Variants in ARHGAP26 observed in about 807,000 individuals in gnomAD.
ARHGAP26 encodes the protein Rho GTPase activating protein 26.
In ARHGAP26, 38 loss-of-function variants were observed where a neutral mutation model predicts 104.8. The observed-to-expected ratio is 0.36, with a 90% CI of 0.28 to 0.48. The LOEUF is 0.48. ARHGAP26 is among the 20% of genes least tolerant of loss of function. The pLI, the probability that ARHGAP26 is intolerant of heterozygous loss-of-function variation, is 0.99. For missense variants in ARHGAP26, 704 were observed against 947.9 expected, an observed-to-expected ratio of 0.74 and a Z score of 3.38; for synonymous variants, 341 against 340.0, an observed-to-expected ratio of 1.00 and a Z score of -0.03.
chr5:142,777,411 G>C (rs562941455), intron 1 of ARHGAP26, among the ~76,000 whole-genome samples: 1 of 152,326 alleles, frequency 6.6e-6, no homozygotes, highest in Admixed American at 6.5e-5. Context: ...AGGAAGAACT[G>C]TTATCACCAT....
Position 143,224,476 on chromosome 5 carries a change from A to G in ARHGAP26, c.*2030A>G, listed in dbSNP as rs1264694247. 2 of 229,494 alleles carry G rather than the reference A, an allele frequency of 8.7e-6. No individual in the cohort carries two copies. The highest frequency in any genetic ancestry group is 5.7e-5 in the Admixed American group (1 of 17,672). 14.2% of individuals were successfully genotyped at this position (229,494 alleles called of 1,614,324 possible). On this transcript the variant is annotated 3_prime_UTR_variant, in exon 23 of 23. Coordinates refer to ENST00000645722, the MANE Select transcript of ARHGAP26 (RefSeq NM_001135608.3). Reference sequence around the variant, plus strand: ...CAAAGAATGCCTACTTAGTAGTAAGATGAAGCTCAGGATTTAAATAAGTGG... The same window carrying G: ...CAAAGAATGCCTACTTAGTAGTAAGGTGAAGCTCAGGATTTAAATAAGTGG...
chr5:142,970,044 A>G (rs1293634108), intron 11 of ARHGAP26, among the ~76,000 whole-genome samples: 1 of 152,228 alleles, frequency 6.6e-6, no homozygotes, highest in Non-Finnish European at 1.5e-5. Context: ...GTGTATAAAC[A>G]GCCCACACCA....
chr5:143,147,196 ATAT>A lies in ARHGAP26; in HGVS notation c.1838-32_1838-30del, dbSNP rs764314978. The stretch of plus-strand genomic sequence containing the variant: ...AGCAATAGACTGTCCCTATGCAATA[ATAT>A]TAATATGGGACTTGTGGCTTTTCCC... On this transcript the variant is annotated intron_variant, in intron 19 of 22. Coordinates refer to ENST00000645722, the MANE Select transcript of ARHGAP26 (RefSeq NM_001135608.3). 6.8e-5 allele frequency: 110 copies of A among 1,606,476 alleles called. 1 individual carries two copies. The African/African-American group carries it at 1.3e-3, about 20-fold the overall frequency.
At chr5:143,056,316 CTTTTT>C (rs10672936) in intron 16 of ARHGAP26, among the ~76,000 whole-genome samples, 3 of 80,098 alleles carry the variant, frequency 3.7e-5, no homozygotes, top group South Asian at 6.1e-4. Flanking sequence ...CTTCAGAAGT[CTTTTT>C]TTTTTTTTTT....
intron 5 of ARHGAP26, among the ~76,000 whole-genome samples, chr5:142,888,637 A>G (rs1191940423): frequency 6.6e-6 from 1 of 152,168 alleles, no homozygotes; most frequent in Admixed American, 6.5e-5. Flanking sequence ...CCATCCCTAG[A>G]TCCCTGGAAG....
At chr5:143,006,108 T>G (rs1197749974) in intron 11 of ARHGAP26, among the ~76,000 whole-genome samples, 1 of 152,214 alleles carries the variant, frequency 6.6e-6, no homozygotes, top group Non-Finnish European at 1.5e-5. Context: ...AGCCTTGAGT[T>G]AAGCCAAATA....
At chr5:143,117,027 G>C (rs1420722512) in intron 17 of ARHGAP26, among the ~76,000 whole-genome samples, 3 of 152,188 alleles carry the variant, frequency 2.0e-5, no homozygotes, top group African/African-American at 7.2e-5. Context: ...TGTAGAATTG[G>C]CAGTTCTTTC....
intron 20 of ARHGAP26, among the ~76,000 whole-genome samples, chr5:143,186,309 G>A (rs935067210): frequency 6.6e-6 from 1 of 152,148 alleles, no homozygotes; most frequent in African/African-American, 2.4e-5. Context: ...CAACCCCAAG[G>A]AGGAAGTAAT....
At chr5:143,062,497 A>C (rs1186471831) in intron 17 of ARHGAP26, among the ~76,000 whole-genome samples, 2 of 151,084 alleles carry the variant, frequency 1.3e-5, no homozygotes, top group Non-Finnish European at 2.9e-5. Flanking sequence ...AATTATCAAG[A>C]ATTAAGCATG....
chr5:142,888,240 A>G (rs1396163795), intron 5 of ARHGAP26, among the ~76,000 whole-genome samples: 1 of 152,220 alleles, frequency 6.6e-6, no homozygotes, highest in Non-Finnish European at 1.5e-5. Context: ...TAACTCCAGC[A>G]CTGGCTGTGC....
At position 142,886,936 on chromosome 5, in the gene ARHGAP26, G is replaced by A. The variant is rs1394482858; in HGVS notation, c.486+1537G>A. Among the ~76,000 whole-genome samples, 3 of 152,200 alleles carry A rather than the reference G, an allele frequency of 2.0e-5. No individual in the cohort carries two copies. The East Asian group carries it at 5.8e-4, about 29-fold the overall frequency. On this transcript the variant is annotated intron_variant, in intron 5 of 22. Coordinates refer to ENST00000645722, the MANE Select transcript of ARHGAP26 (RefSeq NM_001135608.3). Reference sequence around the variant, plus strand: ...ATATTTAAAGAAAAGCTTTTTGGCTGTGCTTCACAGTGACCAGGTCTGCCC... The same window carrying A: ...ATATTTAAAGAAAAGCTTTTTGGCTATGCTTCACAGTGACCAGGTCTGCCC...
chr5:143,207,795 C>T (rs1441146442), intron 21 of ARHGAP26, among the ~76,000 whole-genome samples: 2 of 152,182 alleles, frequency 1.3e-5, no homozygotes, highest in Non-Finnish European at 2.9e-5. Flanking sequence ...CATGTGCCAA[C>T]CTTTTCTTTT....
chr5:142,932,378 T>C (rs1420807008), intron 11 of ARHGAP26, among the ~76,000 whole-genome samples: 1 of 152,224 alleles, frequency 6.6e-6, no homozygotes, highest in East Asian at 1.9e-4. Context: ...CTCCCATCTT[T>C]TATCATTGAC....
chr5:142,771,475 T>TATTG (rs1755186411), intron 1 of ARHGAP26: 23 of 1,150,930 alleles, frequency 2.0e-5, no homozygotes, highest in Non-Finnish European at 2.5e-5. Context: ...TTCCTTGGAG[T>TATTG]ATTGGCAGCC....
chr5:143,076,878 TAA>T (rs1789111844), intron 17 of ARHGAP26, among the ~76,000 whole-genome samples: 1 of 149,176 alleles, frequency 6.7e-6, no homozygotes, highest in Non-Finnish European at 1.5e-5. Flanking sequence ...CTCGTATTCC[TAA>T]GTGCACTGAT....
At chr5:142,810,899 T>C (rs1235185124) in intron 1 of ARHGAP26, among the ~76,000 whole-genome samples, 1 of 152,252 alleles carries the variant, frequency 6.6e-6, no homozygotes, top group Non-Finnish European at 1.5e-5. Context: ...CAAGGACATA[T>C]ACATACCACA....
At chr5:142,967,331 G>A (rs930071600) in intron 11 of ARHGAP26, among the ~76,000 whole-genome samples, 1 of 152,174 alleles carries the variant, frequency 6.6e-6, no homozygotes, top group South Asian at 2.1e-4. Context: ...GAAGGTGTAT[G>A]TGGCATCAGT....
chr5:142,900,968 T>C (rs940136697), intron 6 of ARHGAP26, among the ~76,000 whole-genome samples: 1 of 152,188 alleles, frequency 6.6e-6, no homozygotes, highest in African/African-American at 2.4e-5. Context: ...GCACTGGTCT[T>C]TCCTAAATCT....
intron 5 of ARHGAP26, among the ~76,000 whole-genome samples, chr5:142,890,149 AAAATAT>A (rs1333699896): frequency 3.9e-4 from 26 of 66,686 alleles, no homozygotes; most frequent in Non-Finnish European, 5.5e-4. Context: ...AAAAAAAAAA[AAAATAT>A]ATATATATAT....
Sources: allele counts gnomAD v4.1 joint callset (sites outside exome capture counted in the v4.1 genomes callset), GRCh38; gene constraint gnomAD v4.1.1; transcripts MANE v1.5; gene names NCBI Gene and HGNC (gene_info 2026-07-23, HGNC 2026-07-21).